Variants in WDPCP observed in about 807,000 individuals in gnomAD.
WDPCP encodes the protein WD repeat containing planar cell polarity effector.
In WDPCP, 71 loss-of-function variants were observed where a neutral mutation model predicts 93.1. That is an observed-to-expected ratio of 0.76 (90% confidence interval 0.63 to 0.93). The LOEUF is 0.93. Ranked by LOEUF, WDPCP falls within the 40% of genes least tolerant of loss-of-function variation. The pLI, the probability that WDPCP is intolerant of heterozygous loss-of-function variation, is 0.00. For missense variants in WDPCP, 844 were observed against 887.4 expected (o/e 0.95, Z 0.62); for synonymous variants, 315 against 315.0 (o/e 1.00, Z 0.00).
chr2:63,605,806 C>A, intron 3 of WDPCP: 1 of 751,786 alleles, frequency 1.3e-6, no homozygotes, highest in Non-Finnish European at 2.4e-6. Flanking sequence ...GTACCTGGTG[C>A]TGATGATAGT....
At chr2:63,574,046 G>A (rs1474370201) in intron 1 of WDPCP, among the ~76,000 whole-genome samples, 1 of 152,136 alleles carries the variant, frequency 6.6e-6, no homozygotes, top group African/African-American at 2.4e-5. Context: ...CAATGACAAT[G>A]TGTGCCCGAA....
At chr2:63,225,416 C>T (rs76055897) in intron 14 of WDPCP, among the ~76,000 whole-genome samples, 647 of 151,800 alleles carry the variant, frequency 4.3e-3, no homozygotes, top group Middle Eastern at 0.014. Context: ...AGAATTCTCA[C>T]GTATTGGCAG....
chr2:63,124,499 G>A (rs1293282225), intron 17 of WDPCP, among the ~76,000 whole-genome samples: 1 of 152,112 alleles, frequency 6.6e-6, no homozygotes, highest in Non-Finnish European at 1.5e-5. Context: ...TCCTTTAAAT[G>A]TACACAGACT....
chr2:63,219,888 G>C (rs568226900), intron 14 of WDPCP, among the ~76,000 whole-genome samples: 106 of 152,144 alleles, frequency 7.0e-4, no homozygotes, highest in South Asian at 1.9e-3. Flanking sequence ...TATAGTCCCA[G>C]CTACTCGGGA....
intron 1 of WDPCP, among the ~76,000 whole-genome samples, chr2:63,494,473 TAGGC>T (rs1448010872): frequency 6.6e-6 from 1 of 152,134 alleles, no homozygotes; most frequent in Non-Finnish European, 1.5e-5. Context: ...TGAGGAAACT[TAGGC>T]ACAGAGTGGT....
intron 1 of WDPCP, 24 bp from the exon 2 acceptor site, chr2:63,492,964 A>T: frequency 6.3e-7 from 1 of 1,596,084 alleles, no homozygotes; most frequent in Non-Finnish European, 8.6e-7. Context: ...AATTAAAAAG[A>T]GGTGCCAATT....
At chr2:63,449,691 G>A (rs1401239166) in intron 6 of WDPCP, among the ~76,000 whole-genome samples, 1 of 152,100 alleles carries the variant, frequency 6.6e-6, no homozygotes, top group African/African-American at 2.4e-5. Flanking sequence ...CCCTGAGAGG[G>A]CACTACACCA....
At chr2:63,816,492 G>C (rs1670933918) in intron 1 of WDPCP, among the ~76,000 whole-genome samples, 1 of 152,274 alleles carries the variant, frequency 6.6e-6, no homozygotes, top group East Asian at 1.9e-4. Flanking sequence ...GAGACACAGG[G>C]AGAAAGGCCA....
At chr2:63,508,496 G>A (rs1480790940) in intron 1 of WDPCP, among the ~76,000 whole-genome samples, 2 of 152,150 alleles carry the variant, frequency 1.3e-5, no homozygotes, top group African/African-American at 4.8e-5. Flanking sequence ...AAAATCTAGA[G>A]ACCATTGACA....
chr2:63,820,142 A>C (rs1558918770), intron 1 of WDPCP, among the ~76,000 whole-genome samples: 1 of 152,186 alleles, frequency 6.6e-6, no homozygotes, highest in Non-Finnish European at 1.5e-5. Flanking sequence ...TTATGACTTC[A>C]ACTTTTTTGA....
chr2:63,230,765 C>T (rs1678794694), intron 14 of WDPCP, among the ~76,000 whole-genome samples: 1 of 152,104 alleles, frequency 6.6e-6, no homozygotes. Flanking sequence ...ATATCCTTTG[C>T]CTACTTTTTG....
intron 1 of WDPCP, among the ~76,000 whole-genome samples, chr2:63,554,639 C>T (rs1021331435): frequency 1.4e-4 from 18 of 129,872 alleles, no homozygotes; most frequent in African/African-American, 5.0e-4. Context: ...GGTAACAAAG[C>T]GAAACTCCGT....
At chr2:63,579,139 C>T (rs1335452735) in intron 1 of WDPCP, among the ~76,000 whole-genome samples, 1 of 152,130 alleles carries the variant, frequency 6.6e-6, no homozygotes, top group Non-Finnish European at 1.5e-5. Flanking sequence ...CATGTGTGCT[C>T]TAAACATAAG....
At chr2:63,690,853 T>C (rs1461399040) in intron 2 of WDPCP, among the ~76,000 whole-genome samples, 1 of 152,158 alleles carries the variant, frequency 6.6e-6, no homozygotes, top group African/African-American at 2.4e-5. Context: ...AATGATTCCA[T>C]TGCGTAGTTG....
At chr2:63,658,267 G>A (rs1214498283) in intron 2 of WDPCP, among the ~76,000 whole-genome samples, 1 of 152,170 alleles carries the variant, frequency 6.6e-6, no homozygotes, top group Non-Finnish European at 1.5e-5. Flanking sequence ...TGCAAGGAGA[G>A]TACACAAGGT....
intron 15 of WDPCP, among the ~76,000 whole-genome samples, chr2:63,174,074 A>C (rs1673609247): frequency 6.6e-6 from 1 of 152,166 alleles, no homozygotes; most frequent in African/African-American, 2.4e-5. Context: ...TCTGGGCTGC[A>C]AAGCCTAAAA....
chr2:63,778,191 C>T (rs575624432), intron 2 of WDPCP, among the ~76,000 whole-genome samples: 1 of 148,304 alleles, frequency 6.7e-6, no homozygotes, highest in South Asian at 2.1e-4. Context: ...GGTTGTCTCT[C>T]CCTTGTCCAC....
chr2:63,361,964 T>C (rs757666955), intron 12 of WDPCP, among the ~76,000 whole-genome samples: 1 of 152,132 alleles, frequency 6.6e-6, no homozygotes, highest in Non-Finnish European at 1.5e-5. Context: ...TAGTTGCATC[T>C]ATTTTGGAGG....
chr2:63,632,107 G>C (rs529042211), intron 3 of WDPCP, among the ~76,000 whole-genome samples: 1 of 152,292 alleles, frequency 6.6e-6, no homozygotes, highest in East Asian at 1.9e-4. Context: ...TTACACCACT[G>C]TTCCTTCTAT....
Sources: allele counts gnomAD v4.1 joint callset (sites outside exome capture counted in the v4.1 genomes callset), GRCh38; gene constraint gnomAD v4.1.1; transcripts MANE v1.5; gene names NCBI Gene and HGNC (gene_info 2026-07-23, HGNC 2026-07-21).